Variants in PLBD2 observed in about 807,000 individuals in gnomAD.
The protein encoded by PLBD2 is phospholipase B domain containing 2, also known as putative aminopeptidase PLBD2.
Under a neutral mutation model 68.3 loss-of-function variants are expected in PLBD2, and 51 were observed. That is an observed-to-expected ratio of 0.75 (90% CI 0.60 to 0.94). The LOEUF (loss-of-function observed/expected upper bound fraction) is 0.94. Ranked by LOEUF, PLBD2 falls within the 40% of genes least tolerant of loss-of-function variation. The pLI is 0.00. For synonymous variants in PLBD2, 314 were observed against 339.3 expected (o/e 0.93, Z 0.82); for missense variants, 729 against 792.2 (o/e 0.92, Z 0.96).
At chr12:113,361,180 C>T (rs367728143) in intron 1 of PLBD2, among the ~76,000 whole-genome samples, 1 of 151,918 alleles carries the variant, frequency 6.6e-6, no homozygotes, top group East Asian at 1.9e-4. Flanking sequence ...AGGGTGGGGG[C>T]AGGGATTTGA....
At chr12:113,381,133 ACT>A (rs1029101627) in intron 6 of PLBD2, among the ~76,000 whole-genome samples, 3 of 151,996 alleles carry the variant, frequency 2.0e-5, no homozygotes, top group African/African-American at 7.3e-5. Flanking sequence ...ATGGCCTGGG[ACT>A]CTGCATGTAA....
In PLBD2 at chr12:113,358,868, A is replaced by T; in HGVS notation, c.268A>T (p.Thr90Ser). 1 of 1,525,736 alleles carries T rather than the reference A, an allele frequency of 6.6e-7. No individual in the cohort carries two copies. Among genetic ancestry groups the T allele is most frequent in the Middle Eastern group, 2.0e-4 (1 of 4,948 alleles). 94.5% of individuals were successfully genotyped at this position (1,525,736 alleles called of 1,614,324 possible). Residue 90 changes from threonine to serine, a missense_variant, in exon 1 of 12, where the codon ACC becomes TCC. Thr to Ser is a moderately conservative substitution (Grantham distance 58). Transcript: ENST00000280800. ...HPDAVAWANL[T>S]NAIRETGWAF... Reference sequence around the variant, plus strand: ...TGACGCCGTGGCCTGGGCCAACCTCACCAACGCCATCCGCGAGACTGGGTA... The same window carrying T: ...TGACGCCGTGGCCTGGGCCAACCTCTCCAACGCCATCCGCGAGACTGGGTA...
chr12:113,361,325 AG>A (rs1957291986), intron 1 of PLBD2, among the ~76,000 whole-genome samples: 3 of 146,964 alleles, frequency 2.0e-5, no homozygotes, highest in African/African-American at 5.0e-5. Context: ...TTTTTAAAAA[AG>A]GTTTTTTTTT....
At chr12:113,379,803 ACT>A (rs1474583129) in intron 5 of PLBD2, among the ~76,000 whole-genome samples, 4 of 151,438 alleles carry the variant, frequency 2.6e-5, no homozygotes, top group Non-Finnish European at 4.4e-5. Flanking sequence ...AAAGAGCGAA[ACT>A]CTGTCTCAAA....
At position 113,387,030 on chromosome 12, in the gene PLBD2, G is replaced by A. The variant is rs551944264; in HGVS notation, c.1380G>A (p.Gln460=). The A allele has an allele frequency of 3.2e-5, 52 of 1,612,128 alleles. 1 individual carries two copies. The South Asian group carries it at 5.7e-4, about 18-fold the overall frequency. The change falls in exon 10 of 12, where the codon CAG becomes CAA. Residue 460 remains glutamine, a synonymous_variant. Transcript: ENST00000280800. The stretch of plus-strand genomic sequence containing the variant: ...CTTATGACGGGAGCCCCCGGGCCCA[G>A]ATCTTCCGGCGGAACCAGTCACTGG... The part of the protein sequence containing the change: ...WFSYDGSPRA[Q]IFRRNQSLVQ...
chr12:113,381,430 A>G (rs1252263159), intron 6 of PLBD2, among the ~76,000 whole-genome samples: 1 of 152,086 alleles, frequency 6.6e-6, no homozygotes, highest in Non-Finnish European at 1.5e-5. Flanking sequence ...TGAGAAAGTG[A>G]ACCCTTTGAT....
chr12:113,367,005 A>G (rs948202682), intron 1 of PLBD2, among the ~76,000 whole-genome samples: 26 of 151,982 alleles, frequency 1.7e-4, no homozygotes, highest in African/African-American at 6.0e-4. Context: ...TTTTTAGTAG[A>G]CATGGGGGTT....
chr12:113,382,466 A>G (rs1957500361), intron 6 of PLBD2, among the ~76,000 whole-genome samples: 1 of 151,970 alleles, frequency 6.6e-6, no homozygotes. Flanking sequence ...TTTCAGAGAT[A>G]GGATCTCACA....
At chr12:113,380,514 G>A (rs985231483) in intron 5 of PLBD2, among the ~76,000 whole-genome samples, 2 of 152,162 alleles carry the variant, frequency 1.3e-5, no homozygotes, top group Non-Finnish European at 2.9e-5. Context: ...TGGAACCCAC[G>A]GACATGGAGG....
At chr12:113,382,161 A>T (rs1957497051) in intron 6 of PLBD2, among the ~76,000 whole-genome samples, 1 of 152,198 alleles carries the variant, frequency 6.6e-6, no homozygotes, top group African/African-American at 2.4e-5. Flanking sequence ...AATGTATAGG[A>T]TTATGGAGGA....
Position 113,375,023 on chromosome 12 carries a change from T to C in PLBD2, c.859+16T>C, listed in dbSNP as rs1266111395. The C allele has an allele frequency of 1.2e-6, 2 of 1,612,752 alleles. No homozygotes were observed. Among genetic ancestry groups the C allele is most frequent in the Non-Finnish European group, 8.5e-7 (1 of 1,179,106 alleles). On this transcript the variant is annotated intron_variant, in intron 5 of 11. Transcript: ENST00000280800. ...GGCCCCTGGGGTAGGTGGGTGTGGG[T>C]GTGTCTGGGGGATGAGCAGGTGGGT...
chr12:113,376,874 C>G (rs1027242214), intron 5 of PLBD2: 3 of 152,342 alleles, frequency 2.0e-5, no homozygotes, highest in Non-Finnish European at 1.5e-5. Context: ...GTGCCACATC[C>G]TTCATCCCAG....
Position 113,358,882 on chromosome 12 carries a change from C to CTCTT in PLBD2, c.282_283insTCTT (p.Glu95SerfsTer2), listed in dbSNP as rs1957260841. ...GGGCCAACCTCACCAACGCCATCCG[C>CTCTT]GAGACTGGGTAAGGGTTGGCTTATC... is the stretch of plus-strand genomic sequence containing the variant. On this transcript the variant is annotated frameshift_variant, in exon 1 of 12. Transcript: ENST00000280800. LOFTEE classifies it high-confidence loss of function. 1 of 1,524,592 alleles carries CTCTT rather than the reference C, an allele frequency of 6.6e-7. No homozygotes were observed. Among genetic ancestry groups the CTCTT allele is most frequent in the Non-Finnish European group, 8.8e-7 (1 of 1,138,546 alleles). 94.4% of individuals were successfully genotyped at this position (1,524,592 alleles called of 1,614,324 possible). A position where few individuals can be genotyped will look rare whatever the true frequency, so the allele number is the denominator to read the frequency against.
chr12:113,365,500 G>C (rs1168187147), intron 1 of PLBD2, among the ~76,000 whole-genome samples: 2 of 151,934 alleles, frequency 1.3e-5, no homozygotes, highest in Non-Finnish European at 2.9e-5. Context: ...TTTTAGTAGA[G>C]ACGAGGTTTC....
In PLBD2 at chr12:113,391,588, G is replaced by C. The variant is rs1016882594; in HGVS notation, c.*2962G>C. 3.3e-5 allele frequency: 5 copies of C among 152,196 alleles called. No homozygotes were observed. The highest frequency in any genetic ancestry group is 7.3e-5 in the Non-Finnish European group (5 of 68,030). The allele number at this position is 152,196 out of a possible 1,614,324, so 9.4% of individuals were successfully genotyped here. The stretch of plus-strand genomic sequence containing the variant: ...AGTGTGTCAGTGCTGGTAAACCCGT[G>C]GAGAAAATAAAGCAAGGTTGGGGTC... On this transcript the variant is annotated 3_prime_UTR_variant, in exon 12 of 12. Transcript: ENST00000280800.
At chr12:113,385,135 G>T in intron 8 of PLBD2, 77 bp from the exon 9 acceptor site, 1 of 1,484,572 alleles carries the variant, frequency 6.7e-7, no homozygotes, top group Non-Finnish European at 9.3e-7. Context: ...GGAGCCATCG[G>T]GGCTCCCCGA....
intron 2 of PLBD2, among the ~76,000 whole-genome samples, chr12:113,370,305 C>A (rs1218977929): frequency 6.6e-6 from 1 of 151,958 alleles, no homozygotes; most frequent in Non-Finnish European, 1.5e-5. Context: ...GTGGTGGGTG[C>A]CTCTAGGGAT....
chr12:113,390,139 C>T lies in PLBD2; in HGVS notation c.*1513C>T, dbSNP rs923809625. On this transcript the variant is annotated 3_prime_UTR_variant, in exon 12 of 12. Transcript: ENST00000280800. ...GGTCTGTATACCACAGCATGGCTTA[C>T]GAAGTTCTTATCTATCTATCACCCA... 5.3e-5 allele frequency: 8 copies of T among 151,932 alleles called. No individual in the cohort carries two copies. Among genetic ancestry groups the T allele is most frequent in the African/African-American group, 1.5e-4 (6 of 41,334 alleles). 9.4% of individuals were successfully genotyped at this position (151,932 alleles called of 1,614,324 possible).
chr12:113,381,293 C>T (rs1483413416), intron 6 of PLBD2, among the ~76,000 whole-genome samples: 1 of 149,754 alleles, frequency 6.7e-6, no homozygotes, highest in African/African-American at 2.4e-5. Context: ...CTCCCTCTTG[C>T]TTTCCTCAGA....
Sources: gnomAD v4.1 joint callset for allele counts (sites outside exome capture counted in the v4.1 genomes callset) on GRCh38, gnomAD v4.1.1 for gene constraint, MANE v1.5 for transcripts, NCBI Gene and HGNC (gene_info 2026-07-23, HGNC 2026-07-21) for gene names.